Variants in DRG1 observed in about 807,000 individuals in gnomAD.
The protein encoded by DRG1 is developmentally regulated GTP binding protein 1, also known as developmentally-regulated GTP-binding protein 1.
In DRG1, 19 loss-of-function variants were observed where a neutral mutation model predicts 38.8. The ratio of observed to expected loss-of-function variants is 0.49; its 90% CI spans 0.34 to 0.72. The LOEUF is 0.72. DRG1 is among the 30% of genes least tolerant of loss of function. The probability of loss-of-function intolerance (pLI) is 0.01; values close to 1 mark genes in which losing one functional copy is unlikely to be tolerated. For synonymous variants in DRG1, 167 were observed against 157.5 expected (o/e 1.06, Z -0.45); for missense variants, 299 against 444.8 (o/e 0.67, Z 2.95).
At chr22:31,424,205 A>G (rs562200894) in intron 6 of DRG1, among the ~76,000 whole-genome samples, 5 of 150,202 alleles carry the variant, frequency 3.3e-5, no homozygotes, top group South Asian at 2.1e-4. Context: ...CTGGAGTGCA[A>G]TGGTGTGATC....
intron 8 of DRG1, among the ~76,000 whole-genome samples, chr22:31,427,890 A>G (rs1240261610): frequency 6.6e-6 from 1 of 151,746 alleles, no homozygotes; most frequent in Non-Finnish European, 1.5e-5. Flanking sequence ...TGTGCCACCC[A>G]CCATGCCCAG....
At chr22:31,422,185 A>G (rs532976462) in intron 5 of DRG1, among the ~76,000 whole-genome samples, 120 of 152,120 alleles carry the variant, frequency 7.9e-4, no homozygotes, top group Non-Finnish European at 1.5e-3. Flanking sequence ...TAATCCCAAC[A>G]CTTTGGGAGG....
chr22:31,404,444 G>A (rs1427964046), intron 3 of DRG1, among the ~76,000 whole-genome samples: 1 of 151,866 alleles, frequency 6.6e-6, no homozygotes, highest in Non-Finnish European at 1.5e-5. Flanking sequence ...GTTTCACCAT[G>A]TTGGTCAGGC....
rs1054039 is a variant in DRG1, at chr22:31,434,048, C to G, written c.*77C>G. On this transcript the variant is annotated 3_prime_UTR_variant, in exon 9 of 9. Transcript: ENST00000331457. ...ATCAAGCACCCTACCCCAGTTCTTT[C>G]TGGTTTTGGCAGTCACTGGATCAGG... is the stretch of plus-strand genomic sequence containing the variant. 31 of 1,400,038 alleles carry G rather than the reference C, an allele frequency of 2.2e-5. No individual in the cohort carries two copies. The highest frequency in any genetic ancestry group is 2.8e-5 in the Non-Finnish European group (28 of 1,005,662). The allele number at this position is 1,400,038 out of a possible 1,614,324, so 86.7% of individuals were successfully genotyped here. A position where few individuals can be genotyped will look rare whatever the true frequency, so the allele number is the denominator to read the frequency against.
intron 8 of DRG1, among the ~76,000 whole-genome samples, chr22:31,432,115 C>T (rs1217809657): frequency 6.6e-6 from 1 of 151,332 alleles, no homozygotes; most frequent in Non-Finnish European, 1.5e-5. Flanking sequence ...GTTCTGTTGC[C>T]GCCCAGGCTG....
intron 8 of DRG1, among the ~76,000 whole-genome samples, chr22:31,429,905 C>T (rs1217349469): frequency 6.6e-6 from 1 of 152,158 alleles, no homozygotes; most frequent in African/African-American, 2.4e-5. Context: ...CTACCTTCAC[C>T]TCCCAAAGTG....
intron 5 of DRG1, among the ~76,000 whole-genome samples, chr22:31,423,007 C>G (rs2050085287): frequency 6.6e-6 from 1 of 152,072 alleles, no homozygotes; most frequent in South Asian, 2.1e-4. Flanking sequence ...CTTTAAAGAC[C>G]CTATCTCCAA....
intron 2 of DRG1, among the ~76,000 whole-genome samples, chr22:31,401,503 G>A (rs906476768): frequency 1.3e-5 from 2 of 150,538 alleles, no homozygotes; most frequent in Admixed American, 6.7e-5. Flanking sequence ...TGCTTGAATC[G>A]GGACCCAGGA....
At chr22:31,408,327 AG>A (rs754440097) in intron 3 of DRG1, among the ~76,000 whole-genome samples, 135 of 146,824 alleles carry the variant, frequency 9.2e-4, no homozygotes, top group Non-Finnish European at 1.0e-3. Flanking sequence ...TATTTTTAGT[AG>A]AGACAGGGTT....
chr22:31,419,634 T>C (rs758719990), intron 4 of DRG1, among the ~76,000 whole-genome samples: 8 of 152,320 alleles, frequency 5.3e-5, no homozygotes, highest in Non-Finnish European at 8.8e-5. Context: ...GATGGAAATA[T>C]TCCATGTCTT....
At chr22:31,417,808 T>A (rs2050053055) in intron 4 of DRG1, among the ~76,000 whole-genome samples, 1 of 149,940 alleles carries the variant, frequency 6.7e-6, no homozygotes, top group Non-Finnish European at 1.5e-5. Flanking sequence ...CTGACTAACA[T>A]GGAGAAACCC....
In DRG1 at chr22:31,433,912, A is replaced by G. The variant is rs776524260; in HGVS notation, c.1045A>G (p.Lys349Glu). 1.2e-6 allele frequency: 2 copies of G among 1,614,150 alleles called. No homozygotes were observed. The highest frequency in any genetic ancestry group is 1.7e-6 in the Non-Finnish European group (2 of 1,179,984). The change falls in exon 9 of 9, where the codon AAA becomes GAA. Residue 349 changes from lysine to glutamate, a missense_variant. By Grantham distance (56) the Lys-to-Glu change is moderately conservative. Transcript: ENST00000331457. ...WGLSVKHNPQKVGKDHTLEDE... is the reference protein window; with the variant it reads ...WGLSVKHNPQEVGKDHTLEDE... ...TCTCTCTGTGAAACACAATCCTCAG[A>G]AAGTGGGTAAAGACCATACGTTGGA...
Position 31,403,091 on chromosome 22 carries a change from A to C in DRG1, c.229A>C (p.Lys77Gln). The C allele has an allele frequency of 6.2e-7, 1 of 1,613,902 alleles. No homozygotes were observed. Reference sequence around the variant, plus strand: ...ATTTGTTGGTTTTCCATCTGTGGGGAAGTCAACACTGCTTAGTAACCTGGC... The same window carrying C: ...ATTTGTTGGTTTTCCATCTGTGGGGCAGTCAACACTGCTTAGTAACCTGGC... ...IGFVGFPSVG[K>Q]STLLSNLAGV... The change falls in exon 3 of 9, where the codon AAG becomes CAG. Residue 77 changes from lysine (K) to glutamine (Q), a missense_variant. Coordinates refer to ENST00000331457, the MANE Select transcript of DRG1 (RefSeq NM_004147.4).
At chr22:31,424,808 C>CG (rs1555899171) in intron 6 of DRG1, among the ~76,000 whole-genome samples, 21,353 of 43,764 alleles carry the variant, frequency 0.49, 6,023 homozygotes, top group East Asian at 0.7. Flanking sequence ...CCGCCCCCCC[C>CG]CCCTTTTTTT....
At chr22:31,431,405 G>A (rs962444331) in intron 8 of DRG1, among the ~76,000 whole-genome samples, 2 of 152,252 alleles carry the variant, frequency 1.3e-5, no homozygotes, top group East Asian at 1.9e-4. Context: ...GGTAGCTCAC[G>A]CCTGTAATCT....
chr22:31,404,903 G>A (rs1263522943), intron 3 of DRG1, among the ~76,000 whole-genome samples: 1 of 152,068 alleles, frequency 6.6e-6, no homozygotes, highest in Non-Finnish European at 1.5e-5. Flanking sequence ...GATTACAGGC[G>A]TGAGCCACTG....
chr22:31,409,607 CAT>C (rs1242706019), intron 3 of DRG1, among the ~76,000 whole-genome samples: 1 of 152,124 alleles, frequency 6.6e-6, no homozygotes, highest in Non-Finnish European at 1.5e-5. Flanking sequence ...CAATATGTAT[CAT>C]ATGTAAATAT....
intron 5 of DRG1, 61 bp downstream of exon 5, chr22:31,420,486 G>C (rs1826614966): frequency 6.3e-7 from 1 of 1,599,404 alleles, no homozygotes; most frequent in Non-Finnish European, 8.5e-7. Context: ...GAGTGGATTG[G>C]GGTGCATGGA....
At chr22:31,420,229 T>TG in intron 4 of DRG1, 27 bp from the exon 5 acceptor site, 1 of 1,606,470 alleles carries the variant, frequency 6.2e-7, no homozygotes, top group Non-Finnish European at 8.5e-7. Flanking sequence ...TGAACTTTCT[T>TG]GCGTATGTTT....
Sources: gnomAD v4.1 joint callset for allele counts (sites outside exome capture counted in the v4.1 genomes callset) on GRCh38, gnomAD v4.1.1 for gene constraint, MANE v1.5 for transcripts, NCBI Gene and HGNC (gene_info 2026-07-23, HGNC 2026-07-21) for gene names.